PNPLA6: variants seen among roughly 807,000 people sequenced by gnomAD.
PNPLA6 encodes patatin-like phospholipase domain-containing protein 6.
Under a neutral mutation model 153.7 loss-of-function variants are expected in PNPLA6, and 105 were observed. The ratio of observed to expected loss-of-function variants is 0.68; its 90% CI spans 0.58 to 0.80. The LOEUF (loss-of-function observed/expected upper bound fraction) is 0.80, where lower values mean the gene tolerates loss of function less well. Ranked by LOEUF, PNPLA6 falls within the 30% of genes least tolerant of loss-of-function variation. The pLI is 0.00. For missense variants in PNPLA6, 1,423 were observed against 1,919.3 expected, an observed-to-expected ratio of 0.74 and a Z score of 4.83; for synonymous variants, 825 against 822.2, an observed-to-expected ratio of 1.00 and a Z score of -0.06.
At chr19:7,546,440 G>T (rs901549492) in intron 13 of PNPLA6, among the ~76,000 whole-genome samples, 2 of 152,090 alleles carry the variant, frequency 1.3e-5, no homozygotes, top group African/African-American at 4.8e-5. Flanking sequence ...ACCAGCCTGG[G>T]CATCATGGCA....
chr19:7,535,323 C>T, upstream of PNPLA6: 1 of 624,228 alleles, frequency 1.6e-6, no homozygotes, highest in South Asian at 1.8e-5. The surrounding 1 kb of genome is among the most constrained non-coding windows in gnomAD (Gnocchi z 5.0). Flanking sequence ...TGGCCAGGGC[C>T]GAGAGGTCGG....
chr19:7,556,338 C>A (rs1457416149), intron 24 of PNPLA6, 115 bp from the exon 25 acceptor site: 23 of 778,018 alleles, frequency 3.0e-5, no homozygotes, highest in Admixed American at 8.5e-5. Flanking sequence ...CTGGGATTAC[C>A]AGTGTGAGCC....
chr19:7,535,509 G>A (rs1398511136), upstream of PNPLA6: 1 of 1,580,112 alleles, frequency 6.3e-7, no homozygotes, highest in Admixed American at 1.8e-5. This position sits in a 1 kb window ranked among gnomAD's most constrained non-coding sequence, Gnocchi z 5.0. Context: ...GATTTCCCAG[G>A]ACTCCGGGCT....
intron 18 of PNPLA6, among the ~76,000 whole-genome samples, chr19:7,552,002 G>A (rs1162379232): frequency 6.6e-6 from 1 of 152,158 alleles, no homozygotes; most frequent in Non-Finnish European, 1.5e-5. Context: ...AGCCACTCAG[G>A]AGGCTGAGGC....
intron 18 of PNPLA6, among the ~76,000 whole-genome samples, chr19:7,552,245 C>A (rs1357986513): frequency 6.6e-6 from 1 of 152,206 alleles, no homozygotes; most frequent in Non-Finnish European, 1.5e-5. Context: ...CCTGTTTCAG[C>A]CTGTGGCTTC....
Position 7,540,008 on chromosome 19 carries a change from G to A in PNPLA6, c.504G>A (p.Leu168=). The change falls in exon 4 of 32, where the codon CTG becomes CTA. Residue 168 remains leucine (L), a synonymous_variant. Coordinates refer to ENST00000600737, the MANE Select transcript of PNPLA6 (RefSeq NM_001166114.2). The surrounding 1 kb of genome is among the most constrained non-coding windows in gnomAD (Gnocchi z 6.8). Reference sequence around the variant, plus strand: ...AAGCTGACCTGACCGAGGGCGACCTGGCTAACTCCCATCTGCCCTCTGAAG... The same window carrying A: ...AAGCTGACCTGACCGAGGGCGACCTAGCTAACTCCCATCTGCCCTCTGAAG... ...VLEADLTEGD[L]ANSHLPSEVL... 1 of 1,605,052 alleles carries A rather than the reference G, an allele frequency of 6.2e-7. No individual in the cohort carries two copies. Among genetic ancestry groups the A allele is most frequent in the South Asian group, 1.1e-5 (1 of 89,966 alleles).
rs2023101904 is a variant in PNPLA6 at position 7,540,869 on chromosome 19, AG to A, written c.796-49del. ...GCCAGGAAGGATTAGGGGAGTAGCG[AG>A]GGGGACTCGCAGCCTCTGCCCTTGT... On this transcript the variant is annotated intron_variant, in intron 6 of 31. Coordinates refer to ENST00000600737, the MANE Select transcript of PNPLA6 (RefSeq NM_001166114.2). The surrounding 1 kb of genome is among the most constrained non-coding windows in gnomAD (Gnocchi z 6.8). 6.2e-7 allele frequency: 1 copy of A among 1,611,266 alleles called. No homozygotes were observed. Among genetic ancestry groups the A allele is most frequent in the South Asian group, 1.1e-5 (1 of 91,034 alleles).
chr19:7,544,000 A>C lies in PNPLA6; in HGVS notation c.1608+916A>C, dbSNP rs889148361. ...GGCTAATTTTTTGTATTTTTACTAG[A>C]GAGGGGGTTTCACTGTGTTAGCCAG... On this transcript the variant is annotated intron_variant, in intron 13 of 31. Coordinates refer to ENST00000600737, the MANE Select transcript of PNPLA6 (RefSeq NM_001166114.2). 3.4e-5 allele frequency among the ~76,000 whole-genome samples: 5 copies of C among 148,530 alleles called. No individual in the cohort carries two copies. The Admixed American group carries it at 3.4e-4, about 10-fold the overall frequency.
chr19:7,539,956 G>A lies in PNPLA6; in HGVS notation c.452G>A (p.Arg151Gln), dbSNP rs376396266. ...RIQKETPTLQ[R>Q]KEPPPAVLEA... ...CAGAAAGAGACGCCCACGCTGCAGC[G>A]GAAGGAGCCCCCGCCCGCAGTGCTA... The change falls in exon 4 of 32, where the codon CGG becomes CAG. Residue 151 changes from arginine (R) to glutamine (Q), a missense_variant. Physicochemically the swap from Arg to Gln is conservative, Grantham distance 43. Coordinates refer to ENST00000600737, the MANE Select transcript of PNPLA6 (RefSeq NM_001166114.2). The A allele has an allele frequency of 2.5e-6, 4 of 1,570,074 alleles. No homozygotes were observed. The highest frequency in any genetic ancestry group is 2.7e-5 in the African/African-American group (2 of 73,778).
intron 18 of PNPLA6, among the ~76,000 whole-genome samples, 169 bp from the exon 19 acceptor site, chr19:7,553,706 A>T (rs1056934834): frequency 6.6e-6 from 1 of 152,218 alleles, no homozygotes; most frequent in Non-Finnish European, 1.5e-5. Context: ...GACCAGAGCC[A>T]TGGCTTTCTG....
At chr19:7,549,067 T>C (rs2023522398) in intron 13 of PNPLA6, among the ~76,000 whole-genome samples, 1 of 151,230 alleles carries the variant, frequency 6.6e-6, no homozygotes, top group Admixed American at 6.6e-5. Context: ...CCTCCCAAAG[T>C]GTTGGGATTA....
At chr19:7,548,726 CAT>C (rs61372037) in intron 13 of PNPLA6, among the ~76,000 whole-genome samples, 100,881 of 145,916 alleles carry the variant, frequency 0.69, 34,613 homozygotes, top group South Asian at 0.78. Flanking sequence ...TATACACACA[CAT>C]ATATATACAC....
chr19:7,539,757 C>CAAAAA (rs762061101), intron 3 of PNPLA6, among the ~76,000 whole-genome samples, 161 bp from the exon 4 acceptor site: 4 of 50,882 alleles, frequency 7.9e-5, no homozygotes, highest in Admixed American at 5.6e-4. Context: ...AACTTCGTCT[C>CAAAAA]AAAAAAAAAA....
chr19:7,550,824 C>A, intron 16 of PNPLA6, 170 bp from the exon 17 acceptor site: 1 of 929,422 alleles, frequency 1.1e-6, no homozygotes, highest in Non-Finnish European at 1.6e-6. Context: ...TGTCGTGGAT[C>A]CCTGTCCTCT....
At chr19:7,536,886 C>G (rs1243604133) in intron 3 of PNPLA6, among the ~76,000 whole-genome samples, 1 of 142,234 alleles carries the variant, frequency 7.0e-6, no homozygotes, top group Non-Finnish European at 1.5e-5. Flanking sequence ...GAGATCATGC[C>G]ACTGCACTCC....
Position 7,555,407 on chromosome 19 carries a change from G to T in PNPLA6, c.2936+40G>T. ...TGCTCTCTGGGGGCGGGGCCTGGAT[G>T]TCCGAGGGTGGAGCTTCCTGGGAGA... On this transcript the variant is annotated intron_variant, in intron 23 of 31. Coordinates refer to ENST00000600737, the MANE Select transcript of PNPLA6 (RefSeq NM_001166114.2). The surrounding 1 kb of genome is among the most constrained non-coding windows in gnomAD (Gnocchi z 6.3). The T allele has an allele frequency of 7.0e-7, 1 of 1,435,300 alleles. No homozygotes were observed. Among genetic ancestry groups the T allele is most frequent in the Non-Finnish European group, 9.5e-7 (1 of 1,050,990 alleles). The allele number at this position is 1,435,300 out of a possible 1,614,324, so 88.9% of individuals were successfully genotyped here.
chr19:7,553,727 T>A, intron 18 of PNPLA6, 148 bp from the exon 19 acceptor site: 1 of 943,552 alleles, frequency 1.1e-6, no homozygotes, highest in Non-Finnish European at 1.7e-6. Context: ...TATGGTAGAG[T>A]CAAGACTTTG....
Position 7,555,181 on chromosome 19 carries a change from G to A in PNPLA6, c.2818-68G>A. 2 of 1,525,644 alleles carry A rather than the reference G, an allele frequency of 1.3e-6. No individual in the cohort carries two copies. Among genetic ancestry groups the A allele is most frequent in the Non-Finnish European group, 1.8e-6 (2 of 1,124,588 alleles). 94.5% of individuals were successfully genotyped at this position (1,525,644 alleles called of 1,614,324 possible). A position where few individuals can be genotyped will look rare whatever the true frequency, so the allele number is the denominator to read the frequency against. On this transcript the variant is annotated intron_variant, in intron 22 of 31. Coordinates refer to ENST00000600737, the MANE Select transcript of PNPLA6 (RefSeq NM_001166114.2). The surrounding 1 kb of genome is among the most constrained non-coding windows in gnomAD (Gnocchi z 6.3). The stretch of plus-strand genomic sequence containing the variant: ...GCTGAGGACAGGCTCGAAGGTCAGG[G>A]TACCCCTGGGGGATCCGCCGGACCC...
chr19:7,555,043 C>G lies in PNPLA6; in HGVS notation c.2785C>G (p.Arg929Gly), dbSNP rs1191422754. Residue 929 changes from arginine (R) to glycine (G), a missense_variant, in exon 22 of 32, where the codon CGC becomes GGC. Arg to Gly is a moderately radical substitution (Grantham distance 125). This residue lies in a region of PNPLA6 where 643 missense variants were observed against 835.2 expected (regional missense o/e 0.77). Transcript: ENST00000600737. This position sits in a 1 kb window ranked among gnomAD's most constrained non-coding sequence, Gnocchi z 6.3. ...GCACCTGCACCTGCGCTGTCCGCGC[C>G]GCCTCTTTTCGCGCCGCAGCCCTGC... The part of the protein sequence containing the change: ...SGHLHLRCPR[R>G]LFSRRSPAKL... 6.3e-7 allele frequency: 1 copy of G among 1,592,834 alleles called. No homozygotes were observed. The highest frequency in any genetic ancestry group is 8.5e-7 in the Non-Finnish European group (1 of 1,178,066).
Sources: allele counts gnomAD v4.1 joint callset (sites outside exome capture counted in the v4.1 genomes callset), GRCh38; gene constraint gnomAD v4.1.1; regional missense constraint gnomAD v4.1.1; non-coding constraint Gnocchi (gnomAD v3.1); transcripts MANE v1.5; gene names NCBI Gene and HGNC (gene_info 2026-07-23, HGNC 2026-07-21).